Variants in MTIF2 observed in about 807,000 individuals in gnomAD.
MTIF2 encodes translation initiation factor IF-2, mitochondrial.
A neutral mutation model predicts 83.5 loss-of-function variants in MTIF2; 71 were observed. The ratio of observed to expected loss-of-function variants is 0.85; its 90% CI spans 0.70 to 1.04. MTIF2 has a LOEUF of 1.04. MTIF2 is among the 50% of genes least tolerant of loss of function. The pLI, the probability that MTIF2 is intolerant of heterozygous loss-of-function variation, is 0.00. For missense variants in MTIF2, 957 were observed against 846.5 expected (o/e 1.13, Z -1.62); for synonymous variants, 319 against 287.1 (o/e 1.11, Z -1.12).
At chr2:55,242,447 T>C (rs1676394136) in intron 13 of MTIF2, among the ~76,000 whole-genome samples, 1 of 152,218 alleles carries the variant, frequency 6.6e-6, no homozygotes, top group African/African-American at 2.4e-5. Flanking sequence ...ATAAAGACAG[T>C]TCCCTGCCTT....
chr2:55,266,920 C>A (rs548330095), intron 3 of MTIF2, among the ~76,000 whole-genome samples: 20 of 151,780 alleles, frequency 1.3e-4, no homozygotes, highest in Non-Finnish European at 2.9e-4. Context: ...CAGGTGTGTG[C>A]CACCGTGTCA....
chr2:55,237,486 A>G, intron 14 of MTIF2, 58 bp from the exon 15 acceptor site: 2 of 1,494,656 alleles, frequency 1.3e-6, no homozygotes, highest in Non-Finnish European at 1.8e-6. Context: ...TAAATACGTA[A>G]TTTCTGACAT....
chr2:55,258,842 G>C (rs1463113804), intron 5 of MTIF2, among the ~76,000 whole-genome samples: 2 of 151,032 alleles, frequency 1.3e-5, no homozygotes, highest in Non-Finnish European at 3.0e-5. Flanking sequence ...AATTAGCCAG[G>C]CATGTTAGGC....
At chr2:55,246,237 GAACT>G in intron 10 of MTIF2, 96 bp downstream of exon 10, 1 of 1,243,948 alleles carries the variant, frequency 8.0e-7, no homozygotes, top group East Asian at 2.4e-5. Flanking sequence ...TATTGTTCAT[GAACT>G]AACAATAACA....
intron 8 of MTIF2, among the ~76,000 whole-genome samples, chr2:55,250,611 C>A (rs534651137): frequency 6.6e-6 from 1 of 152,094 alleles, no homozygotes; most frequent in African/African-American, 2.4e-5. Context: ...ACCTAGTAGG[C>A]TCTCAATAAA....
chr2:55,237,730 A>G (rs1675988166), intron 14 of MTIF2, among the ~76,000 whole-genome samples: 2 of 135,586 alleles, frequency 1.5e-5, no homozygotes, highest in African/African-American at 5.6e-5. Context: ...GGCTCACTGC[A>G]ACCTCCACCT....
At chr2:55,257,858 C>T (rs1422239164) in intron 5 of MTIF2, among the ~76,000 whole-genome samples, 1 of 152,176 alleles carries the variant, frequency 6.6e-6, no homozygotes, top group African/African-American at 2.4e-5. Flanking sequence ...TGCAGTGGCA[C>T]AATCTCAGCT....
chr2:55,245,286 C>T (rs1676610049), intron 10 of MTIF2, among the ~76,000 whole-genome samples: 1 of 152,130 alleles, frequency 6.6e-6, no homozygotes. Flanking sequence ...CTTTGGGAGG[C>T]TGAGGCGGTT....
chr2:55,260,205 G>C (rs980883736), intron 5 of MTIF2, among the ~76,000 whole-genome samples: 1 of 151,998 alleles, frequency 6.6e-6, no homozygotes, highest in Non-Finnish European at 1.5e-5. Context: ...TTCGAGACCA[G>C]CCTGACCAAC....
chr2:55,252,722 G>T (rs1677192162), intron 7 of MTIF2, 69 bp from the exon 8 acceptor site: 1 of 1,094,918 alleles, frequency 9.1e-7, no homozygotes, highest in African/African-American at 1.6e-5. Flanking sequence ...AAGAATATAT[G>T]CGACATTATC....
intron 5 of MTIF2, among the ~76,000 whole-genome samples, chr2:55,256,142 T>C (rs1225289837): frequency 6.6e-6 from 1 of 152,196 alleles, no homozygotes; most frequent in Non-Finnish European, 1.5e-5. Context: ...CCCAGAGTGC[T>C]GGGATCACAG....
At chr2:55,251,555 C>T (rs1677093971) in intron 8 of MTIF2, among the ~76,000 whole-genome samples, 1 of 152,180 alleles carries the variant, frequency 6.6e-6, no homozygotes, top group African/African-American at 2.4e-5. Flanking sequence ...ATATGACACA[C>T]TTTATCGAGT....
At chr2:55,249,670 G>A in intron 8 of MTIF2, 136 bp from the exon 9 acceptor site, 1 of 968,618 alleles carries the variant, frequency 1.0e-6, no homozygotes, top group Non-Finnish European at 1.5e-6. Context: ...AGGCCAAAAT[G>A]ACCCACTTTA....
At chr2:55,262,206 T>C in intron 5 of MTIF2, 110 bp downstream of exon 5, 1 of 764,256 alleles carries the variant, frequency 1.3e-6, no homozygotes, top group Non-Finnish European at 2.3e-6. Context: ...TAATATATTT[T>C]TTAAGTGCCA....
chr2:55,254,595 T>C (rs2104406740), intron 6 of MTIF2, 59 bp downstream of exon 6: 4 of 1,338,474 alleles, frequency 3.0e-6, no homozygotes, highest in Non-Finnish European at 4.0e-6. Flanking sequence ...CATTAAAAAG[T>C]GTAAATATAA....
intron 5 of MTIF2, among the ~76,000 whole-genome samples, chr2:55,261,316 G>A (rs1573915087): frequency 6.6e-6 from 1 of 152,204 alleles, no homozygotes; most frequent in East Asian, 1.9e-4. Context: ...GTCAAAATGA[G>A]AGAAAAGGCT....
At chr2:55,237,653 T>C (rs932724633) in intron 14 of MTIF2, among the ~76,000 whole-genome samples, 3 of 139,860 alleles carry the variant, frequency 2.1e-5, no homozygotes, top group African/African-American at 7.9e-5. Flanking sequence ...TTTTTTCTTT[T>C]TTTTTTTTTT....
intron 13 of MTIF2, among the ~76,000 whole-genome samples, chr2:55,241,174 T>C (rs1573854439): frequency 6.6e-6 from 1 of 150,702 alleles, no homozygotes; most frequent in Non-Finnish European, 1.5e-5. Flanking sequence ...TCCCAGCACT[T>C]TGGGAGGCCG....
At chr2:55,250,819 G>A (rs746536320) in intron 8 of MTIF2, among the ~76,000 whole-genome samples, 6 of 152,130 alleles carry the variant, frequency 3.9e-5, no homozygotes, top group East Asian at 3.9e-4. Context: ...GTACTATTAC[G>A]AAAAAGTACA....
Sources: allele counts gnomAD v4.1 joint callset (sites outside exome capture counted in the v4.1 genomes callset), GRCh38; gene constraint gnomAD v4.1.1; transcripts MANE v1.5; gene names NCBI Gene and HGNC (gene_info 2026-07-23, HGNC 2026-07-21).